TBC1D4: variants seen among roughly 807,000 people sequenced by gnomAD.
The protein encoded by TBC1D4 is TBC1 domain family member 4.
A neutral mutation model predicts 142.5 loss-of-function variants in TBC1D4; 121 were observed. The observed-to-expected ratio is 0.85, with a 90% CI of 0.73 to 0.99. The LOEUF (loss-of-function observed/expected upper bound fraction) is 0.99. Among genes scored for constraint, TBC1D4 ranks in the 50% least tolerant of loss-of-function variants. The pLI is 0.00. For synonymous variants in TBC1D4, 630 were observed against 628.2 expected (o/e 1.00, Z -0.04); for missense variants, 1,475 against 1,606.6 (o/e 0.92, Z 1.40).
In TBC1D4 at chr13:75,324,348, AG is replaced by A. The variant is rs748711155; in HGVS notation, c.2086del (p.Leu696PhefsTer19). The A allele has an allele frequency of 6.2e-7, 1 of 1,614,044 alleles. No homozygotes were observed. Among genetic ancestry groups the A allele is most frequent in the South Asian group, 1.1e-5 (1 of 91,082 alleles). Reference sequence around the variant, plus strand: ...AGAGAAGGAAGTGTGAAGACTTGGAAGACTGGAGGAAGAATTACTCTCCTTG... The same window carrying A: ...AGAGAAGGAAGTGTGAAGACTTGGAAACTGGAGGAAGAATTACTCTCCTTG... ...MYKESNSSSS[L>X]PSLHTSFSAP... On this transcript the variant is annotated frameshift_variant, in exon 11 of 21. Coordinates refer to ENST00000377636, the MANE Select transcript of TBC1D4 (RefSeq NM_014832.5). LOFTEE classifies it high-confidence loss of function.
At chr13:75,312,442 A>AAGAC (rs1877863566) in intron 13 of TBC1D4, among the ~76,000 whole-genome samples, 1 of 151,278 alleles carries the variant, frequency 6.6e-6, no homozygotes, top group African/African-American at 2.4e-5. Context: ...GAAAGAAAGA[A>AAGAC]AGAAAGAAAA....
At position 75,310,022 on chromosome 13, in the gene TBC1D4, T is replaced by C. The variant is rs1178018053; in HGVS notation, c.2513A>G (p.Glu838Gly). Residue 838 changes from glutamate to glycine, a missense_variant, in exon 14 of 21, where the codon GAA (glutamate) becomes GGA (glycine). Transcript: ENST00000377636. Reference sequence around the variant, plus strand: ...AGCTTTTCTCCACAAGCTCCTCAGTTCTTTTGATTTCTTTCTTTCTTCAAT... The same window carrying C: ...AGCTTTTCTCCACAAGCTCCTCAGTCCTTTTGATTTCTTTCTTTCTTCAAT... ...EKIEERKKSK[E>G]LRSLWRKAIH... 6.2e-7 allele frequency: 1 copy of C among 1,614,146 alleles called. No individual in the cohort carries two copies. Among genetic ancestry groups the C allele is most frequent in the East Asian group, 2.2e-5 (1 of 44,874 alleles).
At chr13:75,308,542 T>C (rs1016624216) in intron 14 of TBC1D4, among the ~76,000 whole-genome samples, 10 of 152,202 alleles carry the variant, frequency 6.6e-5, no homozygotes, top group Non-Finnish European at 1.5e-4. Context: ...CTACTTCAAA[T>C]AGTCTATGAT....
Position 75,301,560 on chromosome 13 carries a change from G to A in TBC1D4, c.2911+683C>T, listed in dbSNP as rs566161188. ...CTCAGGAGGCTGAGGCAGGAGAATG[G>A]CATGAACCTGGGAGGCGGAGCTTGC... On this transcript the variant is annotated intron_variant, in intron 16 of 20. Coordinates refer to ENST00000377636, the MANE Select transcript of TBC1D4 (RefSeq NM_014832.5). Among the ~76,000 whole-genome samples, 27 of 151,936 alleles carry A rather than the reference G, an allele frequency of 1.8e-4. No individual in the cohort carries two copies. In the South Asian group the frequency reaches 5.6e-3, roughly 32 times the overall value.
At chr13:75,440,380 C>T (rs1448450061) in intron 1 of TBC1D4, among the ~76,000 whole-genome samples, 2 of 151,506 alleles carry the variant, frequency 1.3e-5, no homozygotes, top group African/African-American at 4.8e-5. Context: ...AAAGAGAAAA[C>T]AGAGGAGGGT....
intron 17 of TBC1D4, among the ~76,000 whole-genome samples, chr13:75,297,460 T>G (rs183187410): frequency 6.6e-6 from 1 of 152,220 alleles, no homozygotes; most frequent in Non-Finnish European, 1.5e-5. Context: ...TATCTGATAT[T>G]AAGATACAGG....
chr13:75,467,365 G>T (rs1888209974), intron 1 of TBC1D4, among the ~76,000 whole-genome samples: 1 of 152,056 alleles, frequency 6.6e-6, no homozygotes, highest in Non-Finnish European at 1.5e-5. Flanking sequence ...ATGGAAAGCG[G>T]GTTTCCAAAA....
At chr13:75,340,468 G>A (rs1880589334) in intron 7 of TBC1D4, among the ~76,000 whole-genome samples, 1 of 151,980 alleles carries the variant, frequency 6.6e-6, no homozygotes. Context: ...CTCCAGTTTC[G>A]ATGAAATAAA....
At chr13:75,445,970 C>G (rs1887267767) in intron 1 of TBC1D4, among the ~76,000 whole-genome samples, 1 of 152,106 alleles carries the variant, frequency 6.6e-6, no homozygotes, top group Non-Finnish European at 1.5e-5. Context: ...TGAAAGACAT[C>G]TTTTGAAAAA....
intron 1 of TBC1D4, among the ~76,000 whole-genome samples, chr13:75,425,148 TA>T (rs145867080): frequency 2.0e-5 from 3 of 150,754 alleles, no homozygotes; most frequent in Admixed American, 6.6e-5. Flanking sequence ...TTCAATAGTT[TA>T]AAAAAAAACA....
intron 1 of TBC1D4, among the ~76,000 whole-genome samples, chr13:75,468,563 C>T (rs1165090210): frequency 1.3e-5 from 2 of 151,568 alleles, no homozygotes; most frequent in African/African-American, 4.8e-5. Flanking sequence ...AATTAGACAA[C>T]AAAATATTTT....
chr13:75,336,126 C>A (rs1251146132), intron 8 of TBC1D4, among the ~76,000 whole-genome samples: 1 of 152,080 alleles, frequency 6.6e-6, no homozygotes, highest in East Asian at 1.9e-4. Context: ...GGGCCAGGTG[C>A]GGTGGCTCAC....
At chr13:75,364,854 C>G (rs778935506) in intron 1 of TBC1D4, among the ~76,000 whole-genome samples, 94 of 152,322 alleles carry the variant, frequency 6.2e-4, no homozygotes, top group Non-Finnish European at 1.1e-3. Context: ...AGTACGGAAT[C>G]AGAAATATAG....
chr13:75,421,672 A>G (rs1304525758), intron 1 of TBC1D4, among the ~76,000 whole-genome samples: 1 of 152,230 alleles, frequency 6.6e-6, no homozygotes, highest in African/African-American at 2.4e-5. Flanking sequence ...GACTGGGCAA[A>G]GAGAACTTCT....
intron 1 of TBC1D4, among the ~76,000 whole-genome samples, chr13:75,409,819 T>C (rs544571605): frequency 1.3e-5 from 2 of 152,230 alleles, no homozygotes; most frequent in African/African-American, 4.8e-5. Context: ...CTTTGCTAGA[T>C]AGCTATAAAG....
At chr13:75,421,441 A>G (rs1490975405) in intron 1 of TBC1D4, among the ~76,000 whole-genome samples, 1 of 152,224 alleles carries the variant, frequency 6.6e-6, no homozygotes, top group Non-Finnish European at 1.5e-5. Flanking sequence ...CCCTGATGGG[A>G]GAGACTCCTT....
chr13:75,456,802 A>G (rs542897757), intron 1 of TBC1D4, among the ~76,000 whole-genome samples: 2 of 151,184 alleles, frequency 1.3e-5, no homozygotes, highest in South Asian at 4.2e-4. Flanking sequence ...CATATATGCA[A>G]TAGAAATGAT....
chr13:75,414,255 G>C (rs1885817240), intron 1 of TBC1D4, among the ~76,000 whole-genome samples: 1 of 152,156 alleles, frequency 6.6e-6, no homozygotes, highest in Admixed American at 6.5e-5. Flanking sequence ...CAAAGGCCAG[G>C]TCACTCTGTA....
chr13:75,475,830 C>A (rs1347995401), intron 1 of TBC1D4, among the ~76,000 whole-genome samples: 1 of 152,154 alleles, frequency 6.6e-6, no homozygotes, highest in Non-Finnish European at 1.5e-5. Context: ...TATCACTTAT[C>A]CAACATACTT....
Sources: gnomAD v4.1 joint callset for allele counts (sites outside exome capture counted in the v4.1 genomes callset) on GRCh38, gnomAD v4.1.1 for gene constraint, MANE v1.5 for transcripts, NCBI Gene and HGNC (gene_info 2026-07-23, HGNC 2026-07-21) for gene names.